The following PIP4K2A variants were observed in gnomAD, a reference collection of about 807,000 sequenced individuals.
The protein encoded by PIP4K2A is phosphatidylinositol-5-phosphate 4-kinase type 2 alpha.
A neutral mutation model predicts 42.9 loss-of-function variants in PIP4K2A; 14 were observed. The observed-to-expected ratio is 0.33, with a 90% confidence interval of 0.22 to 0.51. The LOEUF is 0.51. Among genes scored for constraint, PIP4K2A ranks in the 20% least tolerant of loss-of-function variants. PIP4K2A has a pLI of 0.97. For missense variants in PIP4K2A, 434 were observed against 519.8 expected, an observed-to-expected ratio of 0.83 and a Z score of 1.61; for synonymous variants, 192 against 192.2, an observed-to-expected ratio of 1.00 and a Z score of 0.01.
intron 1 of PIP4K2A, among the ~76,000 whole-genome samples, chr10:22,657,795 C>T (rs1387709174): frequency 6.6e-6 from 1 of 152,166 alleles, no homozygotes; most frequent in Non-Finnish European, 1.5e-5. Flanking sequence ...ACCCATTTTG[C>T]CCAGGCATGG....
At chr10:22,624,017 C>T (rs1282642150) in intron 1 of PIP4K2A, among the ~76,000 whole-genome samples, 3 of 152,132 alleles carry the variant, frequency 2.0e-5, no homozygotes, top group South Asian at 4.1e-4. Flanking sequence ...CCTAAGTGTA[C>T]ACTGTGCCTA....
intron 1 of PIP4K2A, among the ~76,000 whole-genome samples, chr10:22,617,951 G>A (rs981130260): frequency 1.3e-5 from 2 of 152,144 alleles, no homozygotes; most frequent in Non-Finnish European, 2.9e-5. Flanking sequence ...AGCGAGCTAA[G>A]CACAAAGGGT....
At chr10:22,565,314 C>T (rs751771816) in intron 6 of PIP4K2A, among the ~76,000 whole-genome samples, 2 of 152,184 alleles carry the variant, frequency 1.3e-5, no homozygotes, top group Admixed American at 6.5e-5. Context: ...GGACCCCAAA[C>T]GGAGGGACCG....
intron 7 of PIP4K2A, among the ~76,000 whole-genome samples, chr10:22,549,900 T>C (rs900379903): frequency 2.0e-5 from 3 of 151,182 alleles, no homozygotes; most frequent in African/African-American, 4.8e-5. Context: ...AACCTTTTTT[T>C]CCTTTTTTCC....
Position 22,535,850 on chromosome 10 carries a change from A to T in PIP4K2A, c.*1351T>A, listed in dbSNP as rs553377905. 71 of 341,446 alleles carry T rather than the reference A, an allele frequency of 2.1e-4. No homozygotes were observed. Among genetic ancestry groups the T allele is most frequent in the Admixed American group, 2.4e-4 (5 of 20,628 alleles). 21.2% of individuals were successfully genotyped at this position (341,446 alleles called of 1,614,324 possible). A position where few individuals can be genotyped will look rare whatever the true frequency, so the allele number is the denominator to read the frequency against. ...CCAGACTGGGGCGAAATCTCTTTTT[A>T]AAAAAATCAATCATTAGGTTGATAA... On this transcript the variant is annotated 3_prime_UTR_variant, in exon 10 of 10. Coordinates refer to ENST00000376573, the MANE Select transcript of PIP4K2A (RefSeq NM_005028.5).
intron 4 of PIP4K2A, 68 bp downstream of exon 4, chr10:22,591,561 G>A: frequency 8.4e-7 from 1 of 1,185,508 alleles, no homozygotes; most frequent in Non-Finnish European, 1.2e-6. Flanking sequence ...TAAATCTCTG[G>A]CCTTGGTGAG....
At chr10:22,553,360 C>T (rs1268739638) in intron 6 of PIP4K2A, among the ~76,000 whole-genome samples, 1 of 152,196 alleles carries the variant, frequency 6.6e-6, no homozygotes, top group Non-Finnish European at 1.5e-5. Flanking sequence ...CCTGGTTCCA[C>T]CCCTTGCTTG....
intron 1 of PIP4K2A, among the ~76,000 whole-genome samples, chr10:22,629,695 A>T (rs1165314100): frequency 6.6e-6 from 1 of 152,196 alleles, no homozygotes; most frequent in African/African-American, 2.4e-5. Context: ...AAATTAGCTA[A>T]ATCAGTTTCA....
At chr10:22,561,890 C>T (rs1467554192) in intron 6 of PIP4K2A, among the ~76,000 whole-genome samples, 1 of 152,008 alleles carries the variant, frequency 6.6e-6, no homozygotes, top group Admixed American at 6.6e-5. Context: ...TTCTTTGTAC[C>T]ATAACGATCA....
At chr10:22,558,249 A>AC (rs1432701332) in intron 6 of PIP4K2A, among the ~76,000 whole-genome samples, 3 of 152,226 alleles carry the variant, frequency 2.0e-5, no homozygotes, top group South Asian at 2.1e-4. Context: ...ATGAAAATAA[A>AC]CTTGCAAAAA....
At chr10:22,554,737 A>AT (rs1203584454) in intron 6 of PIP4K2A, among the ~76,000 whole-genome samples, 1 of 152,178 alleles carries the variant, frequency 6.6e-6, no homozygotes, top group African/African-American at 2.4e-5. Flanking sequence ...AGGCGGGACG[A>AT]TTGCTGTACG....
Position 22,536,500 on chromosome 10 carries a change from T to G in PIP4K2A, c.*701A>C. The G allele has an allele frequency of 5.6e-6, 1 of 178,368 alleles. No homozygotes were observed. The highest frequency in any genetic ancestry group is 6.2e-5 in the Admixed American group (1 of 16,060). 11.0% of individuals were successfully genotyped at this position (178,368 alleles called of 1,614,324 possible). A position where few individuals can be genotyped will look rare whatever the true frequency, so the allele number is the denominator to read the frequency against. ...GGACACCAGGGGGTCCTGACAAGGC[T>G]GGGGCCAGAACCCTGAACCAGTACA... is the stretch of plus-strand genomic sequence containing the variant. On this transcript the variant is annotated 3_prime_UTR_variant, in exon 10 of 10. Transcript: ENST00000376573.
rs748720988 is a variant in PIP4K2A at position 22,544,149 on chromosome 10, C to A, written c.793-2102G>T. On this transcript the variant is annotated intron_variant, in intron 7 of 9. Coordinates refer to ENST00000376573, the MANE Select transcript of PIP4K2A (RefSeq NM_005028.5). Reference sequence around the variant, plus strand: ...GAGGCCCTCCACACATGACTCTGCGCTGTGGGTCTCCGGAGGGTTAGGTGG... The same window carrying A: ...GAGGCCCTCCACACATGACTCTGCGATGTGGGTCTCCGGAGGGTTAGGTGG... Among the ~76,000 whole-genome samples the A allele has an allele frequency of 1.6e-4, 24 of 152,310 alleles. No homozygotes were observed. The Middle Eastern group carries it at 0.027, about 173-fold the overall frequency.
intron 3 of PIP4K2A, among the ~76,000 whole-genome samples, chr10:22,604,724 G>A (rs1007945353): frequency 6.6e-6 from 1 of 152,186 alleles, no homozygotes; most frequent in Non-Finnish European, 1.5e-5. Flanking sequence ...GAGTGACAGA[G>A]GCGGCCGGTG....
chr10:22,547,367 AG>A lies in PIP4K2A; in HGVS notation c.792+3291del, dbSNP rs1433410572. 2.0e-5 allele frequency among the ~76,000 whole-genome samples: 3 copies of A among 152,342 alleles called. No homozygotes were observed. The East Asian group carries it at 5.8e-4, about 29-fold the overall frequency. On this transcript the variant is annotated intron_variant, in intron 7 of 9. Transcript: ENST00000376573. Reference sequence around the variant, plus strand: ...GAGTAGTTAAGGACTGTGCCCTCTGAGGGCCTGACGCCCCAGTCTGAATTTA... The same window carrying A: ...GAGTAGTTAAGGACTGTGCCCTCTGAGGCCTGACGCCCCAGTCTGAATTTA...
chr10:22,694,984 T>C (rs1839941067), intron 1 of PIP4K2A, among the ~76,000 whole-genome samples: 1 of 152,200 alleles, frequency 6.6e-6, no homozygotes, highest in Admixed American at 6.5e-5. Flanking sequence ...CAGTCAACAA[T>C]GCACTTCACC....
intron 1 of PIP4K2A, among the ~76,000 whole-genome samples, chr10:22,636,344 C>T (rs1027757332): frequency 6.6e-6 from 1 of 152,158 alleles, no homozygotes; most frequent in Non-Finnish European, 1.5e-5. Context: ...CTCAACGTCC[C>T]AGGCTCAAGG....
Position 22,536,224 on chromosome 10 carries a change from G to A in PIP4K2A, c.*977C>T, listed in dbSNP as rs116492026. ...GCATTTGGTAACAGGAGAATTGAGA[G>A]TTTTGATGCTTTGCTGGTTTTCCCA... On this transcript the variant is annotated 3_prime_UTR_variant, in exon 10 of 10. Transcript: ENST00000376573. 2,143 of 397,726 alleles carry A rather than the reference G, an allele frequency of 5.4e-3. 48 individuals are homozygous for A. Among genetic ancestry groups the A allele is most frequent in the African/African-American group, 0.041 (1,986 of 48,710 alleles). The allele number at this position is 397,726 out of a possible 1,614,324, so 24.6% of individuals were successfully genotyped here.
intron 1 of PIP4K2A, among the ~76,000 whole-genome samples, chr10:22,639,077 C>T (rs531667065): frequency 6.6e-6 from 1 of 152,230 alleles, no homozygotes; most frequent in South Asian, 2.1e-4. Context: ...AAAACAATGA[C>T]TCATGGTCAA....
Sources: gnomAD v4.1 joint callset for allele counts (sites outside exome capture counted in the v4.1 genomes callset) on GRCh38, gnomAD v4.1.1 for gene constraint, MANE v1.5 for transcripts, NCBI Gene and HGNC (gene_info 2026-07-23, HGNC 2026-07-21) for gene names.